The following RGS6 variants were observed in gnomAD, a reference collection of about 807,000 sequenced individuals.
RGS6 encodes regulator of G protein signaling 6, also known as regulator of G-protein signaling 6.
In RGS6, 30 loss-of-function variants were observed where a neutral mutation model predicts 78.5. The ratio of observed to expected loss-of-function variants is 0.38; its 90% CI spans 0.29 to 0.52. The LOEUF is 0.52. Ranked by LOEUF, RGS6 falls within the 20% of genes least tolerant of loss-of-function variation. RGS6 has a pLI of 0.85. For missense variants in RGS6, 495 were observed against 609.7 expected, an observed-to-expected ratio of 0.81 and a Z score of 1.98; for synonymous variants, 206 against 206.0, an observed-to-expected ratio of 1.00 and a Z score of 0.00.
At chr14:72,083,551 T>G (rs17179463) in intron 2 of RGS6, among the ~76,000 whole-genome samples, 5,095 of 152,272 alleles carry the variant, frequency 0.033, 127 homozygotes, top group Middle Eastern at 0.085. Context: ...GTGGATGTTG[T>G]GTAGCCCACT....
intron 3 of RGS6, among the ~76,000 whole-genome samples, chr14:72,438,239 G>T (rs2095030074): frequency 1.3e-5 from 2 of 152,158 alleles, no homozygotes; most frequent in Admixed American, 1.3e-4. Flanking sequence ...AGACATGCCA[G>T]GGGTCCCTGT....
At chr14:72,351,190 T>C (rs1387891337) in intron 2 of RGS6, among the ~76,000 whole-genome samples, 2 of 152,194 alleles carry the variant, frequency 1.3e-5, no homozygotes, top group Non-Finnish European at 2.9e-5. Flanking sequence ...AACGTGATAA[T>C]ACTAAACATT....
chr14:71,875,039 G>A, the RGS6 span, among the ~76,000 whole-genome samples: 2 of 152,136 alleles, frequency 1.3e-5, no homozygotes, highest in Admixed American at 1.3e-4. Context: ...ACTGGATTCG[G>A]TTTGCCAGTA....
chr14:71,912,715 C>A, the RGS6 span, among the ~76,000 whole-genome samples: 1 of 152,222 alleles, frequency 6.6e-6, no homozygotes, highest in Non-Finnish European at 1.5e-5. Context: ...GACAGAGGAC[C>A]AGTCTTCTAA....
intron 2 of RGS6, among the ~76,000 whole-genome samples, chr14:72,098,750 C>T (rs1426803903): frequency 6.6e-6 from 1 of 152,170 alleles, no homozygotes; most frequent in East Asian, 1.9e-4. Flanking sequence ...CAGAATGAGC[C>T]TCCCTTCCCT....
intron 2 of RGS6, among the ~76,000 whole-genome samples, chr14:72,068,784 T>G (rs936080662): frequency 6.6e-6 from 1 of 151,988 alleles, no homozygotes; most frequent in African/African-American, 2.4e-5. Context: ...TGTGAGCCAC[T>G]GCGCCCGGCC....
At chr14:72,325,918 T>G (rs1419230939) in intron 2 of RGS6, among the ~76,000 whole-genome samples, 1 of 152,070 alleles carries the variant, frequency 6.6e-6, no homozygotes, top group East Asian at 1.9e-4. Context: ...TGTAGGGAAA[T>G]AAGGTACCCT....
At chr14:72,429,092 C>A (rs2094532105) in intron 3 of RGS6, among the ~76,000 whole-genome samples, 1 of 152,176 alleles carries the variant, frequency 6.6e-6, no homozygotes, top group African/African-American at 2.4e-5. Context: ...GTCCCAGCTA[C>A]TCAGGAGGCT....
intron 6 of RGS6, among the ~76,000 whole-genome samples, chr14:72,464,023 G>T (rs7154733): frequency 0.046 from 7,025 of 152,230 alleles, 539 homozygotes; most frequent in African/African-American, 0.16. Flanking sequence ...TGTTCTCTTT[G>T]ATTATGAGCT....
chr14:72,103,127 G>A (rs2095560919), intron 2 of RGS6, among the ~76,000 whole-genome samples: 1 of 152,184 alleles, frequency 6.6e-6, no homozygotes, highest in Non-Finnish European at 1.5e-5. Flanking sequence ...CTGTCTCTCA[G>A]GAAGCTAGGC....
chr14:71,953,508 T>G (rs1179126237), intron 1 of RGS6, among the ~76,000 whole-genome samples: 1 of 152,146 alleles, frequency 6.6e-6, no homozygotes, highest in Non-Finnish European at 1.5e-5. Context: ...TCTAAAAATG[T>G]AAAAACAATT....
chr14:72,382,906 G>A (rs1045356188), intron 3 of RGS6, among the ~76,000 whole-genome samples: 3 of 151,874 alleles, frequency 2.0e-5, no homozygotes, highest in African/African-American at 4.8e-5. Context: ...TTGGTTAAAT[G>A]GTAAAAATAC....
intron 2 of RGS6, among the ~76,000 whole-genome samples, chr14:72,343,318 C>T (rs918670156): frequency 1.3e-5 from 2 of 152,134 alleles, no homozygotes; most frequent in African/African-American, 4.8e-5. Flanking sequence ...CTTGTGGCCC[C>T]TTCCTCTATT....
chr14:72,416,760 T>C (rs112708494), intron 3 of RGS6, among the ~76,000 whole-genome samples: 25,758 of 151,914 alleles, frequency 0.17, 2,744 homozygotes, highest in South Asian at 0.3. Flanking sequence ...CTCTAAAGAG[T>C]GTGGTTAAGA....
intron 17 of RGS6, chr14:72,540,667 C>T (rs1232870075): frequency 1.4e-6 from 2 of 1,388,548 alleles, no homozygotes; most frequent in Non-Finnish European, 1.9e-6. Context: ...CTGCATGAGT[C>T]CCTTCCAGCC....
chr14:72,198,643 C>CT (rs1476928500), intron 2 of RGS6, among the ~76,000 whole-genome samples: 1 of 152,152 alleles, frequency 6.6e-6, no homozygotes, highest in Admixed American at 6.5e-5. Flanking sequence ...TGGAAAGGAC[C>CT]TTGAAGTTCA....
chr14:72,353,575 G>T (rs1234753100), intron 3 of RGS6, among the ~76,000 whole-genome samples: 2 of 152,232 alleles, frequency 1.3e-5, no homozygotes, highest in African/African-American at 4.8e-5. Flanking sequence ...TGCAGGGCGA[G>T]TGTGACTGCA....
chr14:72,293,642 G>A (rs368007355), intron 2 of RGS6, among the ~76,000 whole-genome samples: 6 of 152,102 alleles, frequency 3.9e-5, no homozygotes, highest in African/African-American at 9.7e-5. Flanking sequence ...AGCAAATGCC[G>A]ACCAAGTAGT....
chr14:72,442,782 AGCCGTGT>A (rs1011407141), intron 3 of RGS6, among the ~76,000 whole-genome samples: 1 of 152,196 alleles, frequency 6.6e-6, no homozygotes, highest in African/African-American at 2.4e-5. Context: ...TTCATACCCA[AGCCGTGT>A]GCCTCCTGGC....
Sources: allele counts gnomAD v4.1 joint callset (sites outside exome capture counted in the v4.1 genomes callset), GRCh38; gene constraint gnomAD v4.1.1; transcripts MANE v1.5; gene names NCBI Gene and HGNC (gene_info 2026-07-23, HGNC 2026-07-21).